Variants in NDST1 observed in about 807,000 individuals in gnomAD.
NDST1 encodes the protein N-deacetylase and N-sulfotransferase 1.
Under a neutral mutation model 92.8 loss-of-function variants are expected in NDST1, and 35 were observed. The ratio of observed to expected loss-of-function variants is 0.38; its 90% CI spans 0.29 to 0.50. The LOEUF (loss-of-function observed/expected upper bound fraction) is 0.50, where lower values mean the gene tolerates loss of function less well. Among genes scored for constraint, NDST1 ranks in the 20% least tolerant of loss-of-function variants. The pLI, the probability that NDST1 is intolerant of heterozygous loss-of-function variation, is 0.94. For missense variants in NDST1, 822 were observed against 1,182.7 expected (o/e 0.69, Z 4.47); for synonymous variants, 493 against 500.3 (o/e 0.99, Z 0.19).
At chr5:150,549,063 G>GGCC (rs1174319098) in intron 12 of NDST1, among the ~76,000 whole-genome samples, 4 of 152,214 alleles carry the variant, frequency 2.6e-5, no homozygotes, top group African/African-American at 7.2e-5. Context: ...CCAGGCTGGA[G>GGCC]TGCAGTGGCA....
rs765475370 is a variant in NDST1, at chr5:150,521,452, C to T, written c.198C>T (p.Arg66=). 17 of 1,613,492 alleles carry T rather than the reference C, an allele frequency of 1.1e-5. No homozygotes were observed. The highest frequency in any genetic ancestry group is 1.4e-5 in the Non-Finnish European group (16 of 1,179,966). Residue 66 remains arginine (R), a synonymous_variant, in exon 2 of 15, where the codon CGC becomes CGT. Coordinates refer to ENST00000261797, the MANE Select transcript of NDST1 (RefSeq NM_001543.5). The surrounding 1 kb of genome is among the most constrained non-coding windows in gnomAD (Gnocchi z 5.9). ...ACCCGCCGCCTGTGGCCCCCAGTCGCCTGCTGCCACTCAAGCCTGTGCAGG... is the reference window on the plus strand; with the variant it reads ...ACCCGCCGCCTGTGGCCCCCAGTCGTCTGCTGCCACTCAAGCCTGTGCAGG... ...CGDPPPVAPS[R]LLPLKPVQAA... is the part of the protein sequence containing the mutation.
chr5:150,506,873 G>A (rs999698260), upstream of NDST1, among the ~76,000 whole-genome samples: 2 of 152,194 alleles, frequency 1.3e-5, no homozygotes, highest in African/African-American at 2.4e-5. Flanking sequence ...GCCCTGTGTT[G>A]TACCCACCAG....
upstream of NDST1, among the ~76,000 whole-genome samples, chr5:150,506,572 C>T (rs1211687463): frequency 6.6e-6 from 1 of 152,162 alleles, no homozygotes; most frequent in Non-Finnish European, 1.5e-5. Context: ...CCTCCTATTC[C>T]TCTTTAAAAG....
chr5:150,518,008 G>A (rs1268832127), intron 1 of NDST1, among the ~76,000 whole-genome samples: 20 of 152,222 alleles, frequency 1.3e-4, no homozygotes, highest in Admixed American at 1.3e-3. Context: ...TGGGACACCT[G>A]GGTACCCTGA....
intron 1 of NDST1, among the ~76,000 whole-genome samples, chr5:150,499,447 C>T (rs1753134907): frequency 6.6e-6 from 1 of 152,202 alleles, no homozygotes; most frequent in South Asian, 2.1e-4. Flanking sequence ...TTCTCTCCTA[C>T]CTTGTTCCTT....
rs1401648515 is a variant in NDST1, at chr5:150,540,151, C to T, written c.1636C>T (p.Leu546=). 5 of 1,614,240 alleles carry T rather than the reference C, an allele frequency of 3.1e-6. No individual in the cohort carries two copies. Residue 546 remains leucine, a synonymous_variant, in exon 8 of 15, where the codon CTG becomes TTG. Coordinates refer to ENST00000261797, the MANE Select transcript of NDST1 (RefSeq NM_001543.5). ...DRLGLYTFKH[L]VRFLHSWTNL... The stretch of plus-strand genomic sequence containing the variant: ...CCTGGGCCTGTACACCTTCAAGCAC[C>T]TGGTGCGCTTCCTGCACTCCTGGAC...
intron 2 of NDST1, among the ~76,000 whole-genome samples, chr5:150,523,787 A>G (rs921912795): frequency 5.9e-5 from 9 of 152,144 alleles, no homozygotes; most frequent in Non-Finnish European, 1.0e-4. Context: ...GAAGGTAAAC[A>G]GGAGGCCTAG....
At chr5:150,535,669 G>A in intron 5 of NDST1, 31 bp from the exon 6 acceptor site, 1 of 1,613,636 alleles carries the variant, frequency 6.2e-7, no homozygotes, top group Non-Finnish European at 8.5e-7. Context: ...GGACCCCTAT[G>A]CTCACCCTGG....
intron 1 of NDST1, among the ~76,000 whole-genome samples, chr5:150,512,936 G>A (rs903916413): frequency 6.6e-6 from 1 of 152,214 alleles, no homozygotes; most frequent in African/African-American, 2.4e-5. Flanking sequence ...CTGCACCCGG[G>A]AATTACCTGT....
At chr5:150,542,794 T>G (rs1416134305) in intron 9 of NDST1, 54 bp from the exon 10 acceptor site, 1 of 1,612,768 alleles carries the variant, frequency 6.2e-7, no homozygotes, top group Non-Finnish European at 8.5e-7. Flanking sequence ...ACCCAGACTC[T>G]ATCTTTTGGC....
chr5:150,543,936 T>TA (rs1309768639), intron 10 of NDST1, among the ~76,000 whole-genome samples: 1 of 152,146 alleles, frequency 6.6e-6, no homozygotes, highest in Non-Finnish European at 1.5e-5. Context: ...CCCGCCACCA[T>TA]GCCTGGCTAA....
upstream of NDST1, among the ~76,000 whole-genome samples, chr5:150,504,697 C>T (rs1753372876): frequency 6.6e-6 from 1 of 152,152 alleles, no homozygotes; most frequent in Non-Finnish European, 1.5e-5. Flanking sequence ...GGGCATGATA[C>T]CCTACTTTTC....
intron 1 of NDST1, among the ~76,000 whole-genome samples, chr5:150,503,027 G>C (rs1265139241): frequency 6.6e-6 from 1 of 152,052 alleles, no homozygotes; most frequent in Admixed American, 6.6e-5. Context: ...CTGCTGCTTG[G>C]CTGTGAGACT....
chr5:150,528,909 A>G (rs1754592838), intron 3 of NDST1, among the ~76,000 whole-genome samples: 1 of 152,256 alleles, frequency 6.6e-6, no homozygotes, highest in African/African-American at 2.4e-5. Context: ...ACATCCAGAC[A>G]AAGATGGGAG....
chr5:150,535,439 C>T, intron 5 of NDST1: 1 of 967,564 alleles, frequency 1.0e-6, no homozygotes, highest in Non-Finnish European at 1.2e-6. Context: ...GTACTTGAGT[C>T]CTTTGTGCTA....
chr5:150,545,192 C>A, intron 10 of NDST1, 120 bp from the exon 11 acceptor site: 1 of 1,205,090 alleles, frequency 8.3e-7, no homozygotes, highest in Non-Finnish European at 1.2e-6. Flanking sequence ...TGGTTGGGAG[C>A]AAAGCTTCCC....
intron 3 of NDST1, 148 bp downstream of exon 3, chr5:150,528,446 C>T (rs1286331287): frequency 1.1e-6 from 1 of 915,916 alleles, no homozygotes; most frequent in Non-Finnish European, 1.6e-6. Flanking sequence ...CCTGTCCTGC[C>T]AGTTGGTTCT....
chr5:150,542,840 C>T lies in NDST1; in HGVS notation c.1847-8C>T, dbSNP rs748186169. 5.0e-6 allele frequency: 8 copies of T among 1,613,950 alleles called. No individual in the cohort carries two copies. The highest frequency in any genetic ancestry group is 5.9e-6 in the Non-Finnish European group (7 of 1,179,948). On this transcript the variant is annotated splice_region_variant and splice_polypyrimidine_tract_variant and intron_variant, in intron 9 of 14. Transcript: ENST00000261797. ...GCCCTGGGTCTCAGGTGTCTACCCT[C>T]CCCACAGGCACCACTGCCCTCTACC...
chr5:150,520,569 T>C (rs1406482688), intron 1 of NDST1, among the ~76,000 whole-genome samples: 1 of 152,186 alleles, frequency 6.6e-6, no homozygotes, highest in East Asian at 1.9e-4. Context: ...TGATCAAAAA[T>C]AGCAACTCCA....
Sources: gnomAD v4.1 joint callset for allele counts (sites outside exome capture counted in the v4.1 genomes callset) on GRCh38, gnomAD v4.1.1 for gene constraint, Gnocchi (gnomAD v3.1) non-coding constraint, MANE v1.5 for transcripts, NCBI Gene and HGNC (gene_info 2026-07-23, HGNC 2026-07-21) for gene names.